LINGO2: variants seen among roughly 807,000 people sequenced by gnomAD.
LINGO2 encodes leucine rich repeat and Ig domain containing 2.
Under a neutral mutation model 30.6 loss-of-function variants are expected in LINGO2, and 14 were observed. The ratio of observed to expected loss-of-function variants is 0.46; its 90% confidence interval spans 0.30 to 0.72. The LOEUF (loss-of-function observed/expected upper bound fraction) is 0.72, where lower values mean the gene tolerates loss of function less well. Ranked by LOEUF, LINGO2 falls within the 30% of genes least tolerant of loss-of-function variation. LINGO2 has a pLI of 0.07. For synonymous variants in LINGO2, 317 were observed against 288.5 expected, an observed-to-expected ratio of 1.10 and a Z score of -1.00; for missense variants, 729 against 751.7, an observed-to-expected ratio of 0.97 and a Z score of 0.35.
At chr9:28,527,209 A>C (rs2135417717) in intron 1 of LINGO2, among the ~76,000 whole-genome samples, 1 of 152,272 alleles carries the variant, frequency 6.6e-6, no homozygotes, top group Non-Finnish European at 1.5e-5. Flanking sequence ...CAATTAAATA[A>C]ATGCAGAGCT....
At chr9:28,230,680 C>T (rs1006788605) in intron 4 of LINGO2, among the ~76,000 whole-genome samples, 1 of 151,646 alleles carries the variant, frequency 6.6e-6, no homozygotes, top group African/African-American at 2.4e-5. Context: ...AATTGAATTG[C>T]AAAAAATCTG....
At chr9:28,911,332 TA>T in the LINGO2 span, among the ~76,000 whole-genome samples, 77,327 of 151,740 alleles carry the variant, frequency 0.51, 20,942 homozygotes, top group Non-Finnish European at 0.6. Flanking sequence ...CTCATATTGG[TA>T]AGCATATTGT....
At chr9:28,972,022 T>C in the LINGO2 span, among the ~76,000 whole-genome samples, 3 of 152,180 alleles carry the variant, frequency 2.0e-5, no homozygotes, top group African/African-American at 7.2e-5. Flanking sequence ...CAGAGAACTC[T>C]CCCGAATCTT....
the LINGO2 span, among the ~76,000 whole-genome samples, chr9:28,864,631 T>G: frequency 7.9e-6 from 1 of 125,948 alleles, no homozygotes; most frequent in African/African-American, 3.1e-5. Context: ...AATTAAAAGT[T>G]TGCTTTATAG....
At chr9:28,699,797 T>C in the LINGO2 span, among the ~76,000 whole-genome samples, 8 of 151,926 alleles carry the variant, frequency 5.3e-5, no homozygotes, top group African/African-American at 1.7e-4. Context: ...GTCTGTCTTA[T>C]GCGGTTGAGA....
At chr9:29,016,722 T>C in the LINGO2 span, among the ~76,000 whole-genome samples, 2 of 152,168 alleles carry the variant, frequency 1.3e-5, no homozygotes, top group Non-Finnish European at 2.9e-5. Flanking sequence ...GAACTATATC[T>C]TTTCATAAAA....
At chr9:28,322,934 C>G (rs766566949) in intron 3 of LINGO2, among the ~76,000 whole-genome samples, 10 of 152,270 alleles carry the variant, frequency 6.6e-5, no homozygotes, top group South Asian at 6.2e-4. Flanking sequence ...CAGTGAGACA[C>G]AGTGAGCTTT....
At chr9:29,132,615 T>C in the LINGO2 span, among the ~76,000 whole-genome samples, 1 of 152,190 alleles carries the variant, frequency 6.6e-6, no homozygotes, top group Non-Finnish European at 1.5e-5. Context: ...TCCCCCACTC[T>C]GTGGAGTGTA....
chr9:28,489,464 C>A (rs1339471212), intron 1 of LINGO2, among the ~76,000 whole-genome samples: 1 of 152,158 alleles, frequency 6.6e-6, no homozygotes, highest in Non-Finnish European at 1.5e-5. Context: ...GTCACTGCGT[C>A]CAGCCCATCC....
intron 5 of LINGO2, among the ~76,000 whole-genome samples, chr9:27,951,929 G>C (rs767570037): frequency 6.6e-6 from 1 of 151,900 alleles, no homozygotes; most frequent in Non-Finnish European, 1.5e-5. Flanking sequence ...ATAACAAGTA[G>C]GATCAAACTT....
intron 4 of LINGO2, among the ~76,000 whole-genome samples, chr9:28,226,508 T>G (rs953477886): frequency 6.6e-6 from 1 of 151,882 alleles, no homozygotes; most frequent in African/African-American, 2.4e-5. Context: ...GGATTTTTTT[T>G]AATTTCTCTG....
chr9:28,964,099 C>T, the LINGO2 span, among the ~76,000 whole-genome samples: 1 of 151,116 alleles, frequency 6.6e-6, no homozygotes, highest in South Asian at 2.1e-4. Context: ...CATATATGTA[C>T]ACACACACGC....
At chr9:28,182,386 T>C (rs1034044093) in intron 4 of LINGO2, among the ~76,000 whole-genome samples, 5 of 152,116 alleles carry the variant, frequency 3.3e-5, no homozygotes, top group African/African-American at 1.2e-4. Flanking sequence ...GGCAATACCA[T>C]TCAGGACATA....
At chr9:29,019,120 A>G in the LINGO2 span, among the ~76,000 whole-genome samples, 1 of 152,136 alleles carries the variant, frequency 6.6e-6, no homozygotes, top group Admixed American at 6.6e-5. Flanking sequence ...AAAAATATAA[A>G]ATAATCTGAT....
chr9:28,047,129 G>A (rs1471796449), intron 4 of LINGO2, among the ~76,000 whole-genome samples: 2 of 152,132 alleles, frequency 1.3e-5, no homozygotes, highest in South Asian at 2.1e-4. Flanking sequence ...TGTGGTCAGT[G>A]ACTCCACTAT....
chr9:28,384,690 T>C (rs553609979), intron 2 of LINGO2, among the ~76,000 whole-genome samples: 2 of 152,054 alleles, frequency 1.3e-5, no homozygotes, highest in Non-Finnish European at 2.9e-5. Flanking sequence ...TAACAGTTTA[T>C]AACAAGGAAT....
intron 3 of LINGO2, among the ~76,000 whole-genome samples, chr9:28,371,220 A>C (rs559689087): frequency 1.3e-5 from 2 of 152,224 alleles, no homozygotes; most frequent in Non-Finnish European, 2.9e-5. Context: ...TACAGTGTGG[A>C]GATGATAGCT....
At chr9:28,936,581 GTTCTCCACTGCT>G in the LINGO2 span, among the ~76,000 whole-genome samples, 12 of 152,288 alleles carry the variant, frequency 7.9e-5, no homozygotes, top group African/African-American at 2.9e-4. Context: ...ATGACACTGA[GTTCTCCACTGCT>G]TGGAAAACCA....
At chr9:27,953,003 T>A (rs1166766831) in intron 5 of LINGO2, among the ~76,000 whole-genome samples, 2 of 151,938 alleles carry the variant, frequency 1.3e-5, no homozygotes, top group Non-Finnish European at 2.9e-5. Context: ...CAATAGAAAA[T>A]TAGGAAATGA....
Sources: allele counts gnomAD v4.1 joint callset (sites outside exome capture counted in the v4.1 genomes callset), GRCh38; gene constraint gnomAD v4.1.1; transcripts MANE v1.5; gene names NCBI Gene and HGNC (gene_info 2026-07-23, HGNC 2026-07-21).